CD99: variants seen among roughly 807,000 people sequenced by gnomAD.
CD99 encodes the protein CD99 molecule (Xg blood group), also known as CD99 antigen.
CD99 carries 19 observed loss-of-function variants against 28.4 expected under a neutral mutation model. The ratio of observed to expected loss-of-function variants is 0.67; its 90% CI spans 0.47 to 0.98. The LOEUF is 0.98. Ranked by LOEUF, CD99 falls within the 50% of genes least tolerant of loss-of-function variation. CD99 has a pLI of 0.00. For synonymous variants in CD99, 103 were observed against 92.1 expected (o/e 1.12, Z -0.67); for missense variants, 283 against 248.8 (o/e 1.14, Z -0.92).
chrX:2,732,985 C>T (rs1271808282), intron 8 of CD99, among the ~76,000 whole-genome samples: 1 of 146,202 alleles, frequency 6.8e-6, no homozygotes, highest in Non-Finnish European at 1.5e-5. Context: ...CTCCCTGCTT[C>T]ACTTCTTCCT....
At chrX:2,708,160 C>G (rs1400513783) in intron 1 of CD99, among the ~76,000 whole-genome samples, 1 of 151,570 alleles carries the variant, frequency 6.6e-6, no homozygotes, top group Non-Finnish European at 1.5e-5. Flanking sequence ...CTCACACACA[C>G]CTGGGGAACT....
At chrX:2,724,063 T>G (rs1032985361) in intron 7 of CD99, among the ~76,000 whole-genome samples, 1 of 143,708 alleles carries the variant, frequency 7.0e-6, no homozygotes, top group Non-Finnish European at 1.5e-5. Context: ...TACCCTTGTT[T>G]TAGGTATTTA....
chrX:2,718,880 C>G (rs1219801616), intron 3 of CD99, among the ~76,000 whole-genome samples: 2 of 152,178 alleles, frequency 1.3e-5, no homozygotes. Flanking sequence ...GGCTTCCTGT[C>G]TAGAGTGTCA....
At chrX:2,730,416 C>T (rs1409345305) in intron 8 of CD99, among the ~76,000 whole-genome samples, 2 of 152,096 alleles carry the variant, frequency 1.3e-5, no homozygotes, top group Non-Finnish European at 2.9e-5. Context: ...TCATGATCCA[C>T]CTGCCTTGGC....
chrX:2,735,627 G>T, intron 8 of CD99, among the ~76,000 whole-genome samples: 1 of 152,272 alleles, frequency 6.6e-6, no homozygotes, highest in East Asian at 1.9e-4. Flanking sequence ...GAAATTATTT[G>T]TCCTCTGAAA....
At chrX:2,722,316 G>T (rs1028629536) in intron 5 of CD99, among the ~76,000 whole-genome samples, 2 of 151,918 alleles carry the variant, frequency 1.3e-5, no homozygotes, top group Non-Finnish European at 2.9e-5. Flanking sequence ...TTTATTTATG[G>T]TTTTTTGTTT....
chrX:2,714,641 A>G, intron 2 of CD99, 187 bp downstream of exon 2: 2 of 508,472 alleles, frequency 3.9e-6, no homozygotes, highest in East Asian at 5.8e-5. Context: ...TAAGTATGCA[A>G]TAGCATTACC....
At chrX:2,713,482 A>ACACAAAACC (rs2048540920) in intron 1 of CD99, among the ~76,000 whole-genome samples, 2 of 152,254 alleles carry the variant, frequency 1.3e-5, no homozygotes, top group South Asian at 4.1e-4. Flanking sequence ...CCATACATGC[A>ACACAAAACC]CACAAAACCC....
rs1386948130 is a variant in CD99, at chrX:2,741,038, C to T, written c.*234C>T. The T allele has an allele frequency of 8.7e-6, 5 of 574,442 alleles. No individual in the cohort carries two copies. Among genetic ancestry groups the T allele is most frequent in the African/African-American group, 5.6e-5 (3 of 53,154 alleles). 35.6% of individuals were successfully genotyped at this position (574,442 alleles called of 1,614,324 possible). Reference sequence around the variant, plus strand: ...ACTTGGACCCCCATTCTCCAAGGCCCGGGGGGGCGGTTTCCCATGGGATGT... The same window carrying T: ...ACTTGGACCCCCATTCTCCAAGGCCTGGGGGGGCGGTTTCCCATGGGATGT... On this transcript the variant is annotated 3_prime_UTR_variant, in exon 10 of 10. Coordinates refer to ENST00000381192, the MANE Select transcript of CD99 (RefSeq NM_002414.5).
rs764118607 is a variant in CD99, at chrX:2,724,384, C to A, written c.361+1020C>A. On this transcript the variant is annotated intron_variant, in intron 7 of 9. Coordinates refer to ENST00000381192, the MANE Select transcript of CD99 (RefSeq NM_002414.5). ...TGGAGCCAGTGTTTTTGCTGAAAGT[C>A]AGACAATTCTCCTTCCCCGTCGTGG... Among the ~76,000 whole-genome samples, 36 of 152,296 alleles carry A rather than the reference C, an allele frequency of 2.4e-4. No homozygotes were observed. The South Asian group carries it at 7.1e-3, about 30-fold the overall frequency.
intron 8 of CD99, among the ~76,000 whole-genome samples, chrX:2,732,815 CT>C (rs2049723770): frequency 7.0e-6 from 1 of 143,674 alleles, no homozygotes; most frequent in African/African-American, 2.6e-5. Flanking sequence ...TCTTTTTTTC[CT>C]CTCTATTCTT....
intron 8 of CD99, 37 bp from the exon 9 acceptor site, chrX:2,738,163 C>T: frequency 6.3e-7 from 1 of 1,588,456 alleles, no homozygotes; most frequent in Non-Finnish European, 8.6e-7. Flanking sequence ...TTATCTGTTG[C>T]ACTGAGCCTC....
intron 1 of CD99, among the ~76,000 whole-genome samples, chrX:2,698,923 GTTTTAA>G (rs1387797903): frequency 1.3e-5 from 2 of 150,040 alleles, no homozygotes; most frequent in African/African-American, 4.9e-5. Flanking sequence ...CGTGTTAGGT[GTTTTAA>G]TTTTTTTTTT....
intron 1 of CD99, among the ~76,000 whole-genome samples, chrX:2,703,074 C>T (rs1367603562): frequency 6.6e-6 from 1 of 152,136 alleles, no homozygotes; most frequent in Non-Finnish European, 1.5e-5. Flanking sequence ...CAGGCGTGAG[C>T]CACCACACCT....
chrX:2,730,458 C>T (rs1471346712), intron 8 of CD99, among the ~76,000 whole-genome samples: 2 of 152,154 alleles, frequency 1.3e-5, no homozygotes, highest in African/African-American at 4.8e-5. Flanking sequence ...AGGCATGAGC[C>T]ACCGTGCCCG....
At chrX:2,720,634 T>TC (rs895494338) in intron 5 of CD99, among the ~76,000 whole-genome samples, 1 of 143,790 alleles carries the variant, frequency 7.0e-6, no homozygotes, top group African/African-American at 2.6e-5. Flanking sequence ...TTTTTTTTTT[T>TC]TTTTTTTTGA....
intron 5 of CD99, among the ~76,000 whole-genome samples, chrX:2,721,645 T>C (rs1255598169): frequency 6.6e-6 from 1 of 152,228 alleles, no homozygotes; most frequent in Non-Finnish European, 1.5e-5. Context: ...CCAAGTCTTT[T>C]GTTTGTACTG....
At chrX:2,725,258 C>T (rs1370285808) in intron 7 of CD99, among the ~76,000 whole-genome samples, 2 of 151,646 alleles carry the variant, frequency 1.3e-5, no homozygotes, top group Admixed American at 6.6e-5. Flanking sequence ...ATTAACCAGG[C>T]ATGGTGGTGC....
In CD99 at chrX:2,702,816, C is replaced by T. The variant is rs772550385; in HGVS notation, c.67+11389C>T. Among the ~76,000 whole-genome samples the T allele has an allele frequency of 3.9e-5, 6 of 151,992 alleles. No homozygotes were observed. The East Asian group carries it at 1.2e-3, about 29-fold the overall frequency. ...TATTTTTTTTGGATGGAGTCTCCCT[C>T]TTTCGCCAAGGCTGGAGTGCAGTGG... On this transcript the variant is annotated intron_variant, in intron 1 of 9. Coordinates refer to ENST00000381192, the MANE Select transcript of CD99 (RefSeq NM_002414.5).
Sources: allele counts gnomAD v4.1 joint callset (sites outside exome capture counted in the v4.1 genomes callset), GRCh38; gene constraint gnomAD v4.1.1; transcripts MANE v1.5; gene names NCBI Gene and HGNC (gene_info 2026-07-23, HGNC 2026-07-21).